GABRB3: variants seen among roughly 807,000 people sequenced by gnomAD.
GABRB3 encodes gamma-aminobutyric acid receptor subunit beta-3.
A neutral mutation model predicts 52.1 loss-of-function variants in GABRB3; 14 were observed. The ratio of observed to expected loss-of-function variants is 0.27; its 90% CI spans 0.18 to 0.42. The LOEUF is 0.42. Among genes scored for constraint, GABRB3 ranks in the 10% least tolerant of loss-of-function variants. The pLI is 1.00. For synonymous variants in GABRB3, 260 were observed against 232.3 expected (o/e 1.12, Z -1.08); for missense variants, 307 against 609.1 (o/e 0.50, Z 5.22).
intron 3 of GABRB3, 21 bp downstream of exon 3, chr15:26,772,381 C>T: frequency 1.2e-6 from 2 of 1,600,872 alleles, no homozygotes; most frequent in Non-Finnish European, 1.7e-6. Context: ...CAGGGACCGC[C>T]CTGGGAGGGC....
At chr15:26,732,593 G>A (rs1889961405) in intron 3 of GABRB3, among the ~76,000 whole-genome samples, 1 of 150,970 alleles carries the variant, frequency 6.6e-6, no homozygotes, top group Admixed American at 6.6e-5. Context: ...TTTTGAGATG[G>A]AGTCTTGCTC....
At chr15:26,576,745 G>A (rs1003550935) in intron 6 of GABRB3, among the ~76,000 whole-genome samples, 1 of 152,130 alleles carries the variant, frequency 6.6e-6, no homozygotes, top group Admixed American at 6.5e-5. Context: ...GGGACTAAGG[G>A]GGCAGGCACT....
At chr15:26,631,504 G>A (rs1054546227) in intron 3 of GABRB3, among the ~76,000 whole-genome samples, 1 of 152,158 alleles carries the variant, frequency 6.6e-6, no homozygotes, top group Admixed American at 6.5e-5. Flanking sequence ...CTGCAGCTGT[G>A]AAAACCACAG....
At chr15:26,720,215 C>A (rs1566818315) in intron 3 of GABRB3, among the ~76,000 whole-genome samples, 1 of 151,746 alleles carries the variant, frequency 6.6e-6, no homozygotes, top group Non-Finnish European at 1.5e-5. Context: ...TATAAAACGG[C>A]CCTACCCCAT....
intron 4 of GABRB3, among the ~76,000 whole-genome samples, chr15:26,590,832 A>G (rs1247508196): frequency 6.6e-6 from 1 of 152,178 alleles, no homozygotes; most frequent in Non-Finnish European, 1.5e-5. Flanking sequence ...TCTACTCACC[A>G]AAGAGGAGCT....
At chr15:26,625,093 G>A (rs1287267848) in intron 3 of GABRB3, 1 of 363,810 alleles carries the variant, frequency 2.7e-6, no homozygotes. Flanking sequence ...TCAAACACTA[G>A]TAACCCGGGA....
intron 3 of GABRB3, among the ~76,000 whole-genome samples, chr15:26,742,041 C>T (rs369876052): frequency 3.9e-5 from 6 of 151,978 alleles, no homozygotes; most frequent in Admixed American, 6.6e-5. Context: ...GTTAAAAGTA[C>T]GCGGTTTTTT....
At chr15:26,618,357 C>T (rs1333820595) in intron 4 of GABRB3, among the ~76,000 whole-genome samples, 3 of 150,750 alleles carry the variant, frequency 2.0e-5, no homozygotes, top group African/African-American at 4.9e-5. Flanking sequence ...TCAGAAATAA[C>T]GCCACATATC....
intron 3 of GABRB3, among the ~76,000 whole-genome samples, chr15:26,700,082 C>T (rs955388251): frequency 1.3e-5 from 2 of 151,642 alleles, no homozygotes; most frequent in African/African-American, 4.8e-5. Context: ...ATCAATAAAC[C>T]TTTACCAGAC....
chr15:26,772,576 C>T, intron 2 of GABRB3, 105 bp downstream of exon 2: 2 of 1,440,958 alleles, frequency 1.4e-6, no homozygotes, highest in Non-Finnish European at 1.9e-6. Context: ...AGGGCCCCCA[C>T]TCCCACCCGC....
At chr15:26,696,417 T>C (rs1445021653) in intron 3 of GABRB3, among the ~76,000 whole-genome samples, 2 of 152,112 alleles carry the variant, frequency 1.3e-5, no homozygotes, top group East Asian at 1.9e-4. Context: ...ATGAATAAAC[T>C]GAGGCCCGAT....
At chr15:26,602,974 A>G (rs1416993796) in intron 4 of GABRB3, among the ~76,000 whole-genome samples, 2 of 152,008 alleles carry the variant, frequency 1.3e-5, no homozygotes, top group South Asian at 2.1e-4. Context: ...AATGAAACTA[A>G]AAGTTTTTTT....
chr15:26,580,547 TCTG>T (rs1890752950), intron 5 of GABRB3, 91 bp from the exon 6 acceptor site: 4 of 1,536,682 alleles, frequency 2.6e-6, no homozygotes, highest in Middle Eastern at 1.7e-4. Context: ...AGGTTGCGGC[TCTG>T]CTATGTTTTG....
At chr15:26,645,307 G>T (rs1893318950) in intron 3 of GABRB3, among the ~76,000 whole-genome samples, 1 of 152,178 alleles carries the variant, frequency 6.6e-6, no homozygotes, top group Non-Finnish European at 1.5e-5. Flanking sequence ...TTTTCTGTTT[G>T]ACAGTGACAG....
At chr15:26,731,985 G>A (rs999743946) in intron 3 of GABRB3, among the ~76,000 whole-genome samples, 1 of 152,194 alleles carries the variant, frequency 6.6e-6, no homozygotes, top group African/African-American at 2.4e-5. Context: ...CCAGATGGAT[G>A]GACAGATGGA....
intron 6 of GABRB3, among the ~76,000 whole-genome samples, chr15:26,570,544 G>A (rs1428575948): frequency 6.6e-6 from 1 of 152,142 alleles, no homozygotes; most frequent in African/African-American, 2.4e-5. Context: ...ACGCATCCAG[G>A]AATTTCAGTT....
chr15:26,619,836 A>T (rs1892408690), intron 4 of GABRB3, among the ~76,000 whole-genome samples: 1 of 151,730 alleles, frequency 6.6e-6, no homozygotes, highest in Admixed American at 6.6e-5. Flanking sequence ...CCTACAACAC[A>T]CACATTACCA....
intron 8 of GABRB3, among the ~76,000 whole-genome samples, chr15:26,556,602 G>A (rs967328098): frequency 4.6e-5 from 7 of 152,090 alleles, no homozygotes; most frequent in Admixed American, 3.9e-4. Context: ...ACAAACAGAT[G>A]GTATGCACAA....
intron 4 of GABRB3, among the ~76,000 whole-genome samples, chr15:26,606,217 A>G (rs1566770060): frequency 9.0e-6 from 1 of 111,438 alleles, no homozygotes; most frequent in Non-Finnish European, 2.3e-5. Context: ...AAATAGAATA[A>G]GACAATATTT....
Sources: allele counts gnomAD v4.1 joint callset (sites outside exome capture counted in the v4.1 genomes callset), GRCh38; gene constraint gnomAD v4.1.1; transcripts MANE v1.5; gene names NCBI Gene and HGNC (gene_info 2026-07-23, HGNC 2026-07-21).